DLG2: variants seen among roughly 807,000 people sequenced by gnomAD.
The protein encoded by DLG2 is discs large MAGUK scaffold protein 2, also known as disks large homolog 2.
In DLG2, 45 loss-of-function variants were observed where a neutral mutation model predicts 132.5. The ratio of observed to expected loss-of-function variants is 0.34; its 90% confidence interval spans 0.27 to 0.44. DLG2 has a LOEUF of 0.44. Ranked by LOEUF, DLG2 falls within the 20% of genes least tolerant of loss-of-function variation. The probability of loss-of-function intolerance (pLI) is 1.00; values close to 1 mark genes in which losing one functional copy is unlikely to be tolerated. For missense variants in DLG2, 1,045 were observed against 1,196.9 expected, an observed-to-expected ratio of 0.87 and a Z score of 1.87; for synonymous variants, 424 against 419.6, an observed-to-expected ratio of 1.01 and a Z score of -0.13.
intron 14 of DLG2, among the ~76,000 whole-genome samples, chr11:83,948,201 C>T (rs1190881006): frequency 6.6e-6 from 1 of 152,172 alleles, no homozygotes; most frequent in East Asian, 1.9e-4. Flanking sequence ...TCCAATGGAT[C>T]AGTTGATAAC....
chr11:84,131,284 T>C (rs1029118796), intron 9 of DLG2, among the ~76,000 whole-genome samples: 4 of 152,010 alleles, frequency 2.6e-5, no homozygotes, highest in Non-Finnish European at 4.4e-5. Flanking sequence ...GCTTAGATTA[T>C]TGACGCCTAA....
chr11:85,146,732 T>C (rs556585758), intron 5 of DLG2, among the ~76,000 whole-genome samples: 2 of 152,278 alleles, frequency 1.3e-5, no homozygotes, highest in South Asian at 2.1e-4. Context: ...ACAACTAGTG[T>C]CTCACTGGGT....
At chr11:84,426,481 T>C (rs1487547605) in intron 7 of DLG2, among the ~76,000 whole-genome samples, 1 of 152,140 alleles carries the variant, frequency 6.6e-6, no homozygotes, top group East Asian at 1.9e-4. Context: ...GACCTTTCTT[T>C]GCCTCATCTG....
At chr11:84,269,628 C>T (rs2097693652) in intron 7 of DLG2, among the ~76,000 whole-genome samples, 1 of 152,144 alleles carries the variant, frequency 6.6e-6, no homozygotes, top group Admixed American at 6.5e-5. Flanking sequence ...TATATCTCTC[C>T]CAATGCTTAA....
intron 10 of DLG2, among the ~76,000 whole-genome samples, chr11:84,092,533 T>C (rs2097107743): frequency 2.0e-5 from 3 of 152,192 alleles, no homozygotes. Flanking sequence ...TTCTTTCTCC[T>C]ATATCTCTTT....
chr11:83,639,867 G>A lies in DLG2; in HGVS notation c.1826-6542C>T, dbSNP rs2065962113. 2.6e-5 allele frequency among the ~76,000 whole-genome samples: 4 copies of A among 152,154 alleles called. No individual in the cohort carries two copies. In the South Asian group the frequency reaches 8.3e-4, roughly 32 times the overall value. On this transcript the variant is annotated intron_variant, in intron 18 of 27. Coordinates refer to ENST00000376104, the MANE Select transcript of DLG2 (RefSeq NM_001142699.3). The stretch of plus-strand genomic sequence containing the variant: ...TCATTTATTACTAGTGGGGCCTTGG[G>A]AAGTTACTGAACCTCAGTTTGTTCA...
In DLG2 at chr11:83,458,364, G is replaced by C. The variant is rs991873655; in HGVS notation, c.*1454C>G. 4 of 152,532 alleles carry C rather than the reference G, an allele frequency of 2.6e-5. No homozygotes were observed. The highest frequency in any genetic ancestry group is 9.7e-5 in the African/African-American group (4 of 41,414). The allele number at this position is 152,532 out of a possible 1,614,324, so 9.4% of individuals were successfully genotyped here. ...ATTGTTAAAAAATAAACTTGGTCCA[G>C]GTGCAGCTCCAAGAAAGGCAGTTCA... On this transcript the variant is annotated 3_prime_UTR_variant, in exon 28 of 28. Transcript: ENST00000376104.
rs184366907 is a variant in DLG2 at position 85,113,491 on chromosome 11, G to A, written c.283-1756C>T. On this transcript the variant is annotated intron_variant, in intron 5 of 27. Coordinates refer to ENST00000376104, the MANE Select transcript of DLG2 (RefSeq NM_001142699.3). ...TGATTTCTGACACTAAGATCTTCTC[G>A]TACGTGTTTTAACTAAGAAAATTAA... 5.9e-4 allele frequency among the ~76,000 whole-genome samples: 89 copies of A among 151,994 alleles called. 2 individuals carry two copies. Among genetic ancestry groups the A allele is most frequent in the African/African-American group, 1.8e-3 (73 of 41,468 alleles).
intron 9 of DLG2, among the ~76,000 whole-genome samples, chr11:84,103,278 C>T (rs1455478180): frequency 6.6e-6 from 1 of 152,108 alleles, no homozygotes; most frequent in Non-Finnish European, 1.5e-5. Context: ...GAAATTGCTG[C>T]CTGCTGCTCT....
In DLG2 at chr11:84,750,516, T is replaced by C. The variant is rs11234155; in HGVS notation, c.358-215785A>G. On this transcript the variant is annotated intron_variant, in intron 6 of 27. Transcript: ENST00000376104. ...TTGTTTAAAACATTTTCCAAATTTATTTTTAAAAAAATAAATATCATATAT... is the reference window on the plus strand; with the variant it reads ...TTGTTTAAAACATTTTCCAAATTTACTTTTAAAAAAATAAATATCATATAT... Among the ~76,000 whole-genome samples, 1,399 of 152,140 alleles carry C rather than the reference T, an allele frequency of 9.2e-3. 63 individuals are homozygous for C. The East Asian group carries it at 0.096, about 10-fold the overall frequency.
At chr11:85,482,197 C>A (rs79384435) in intron 3 of DLG2, among the ~76,000 whole-genome samples, 1,532 of 152,186 alleles carry the variant, frequency 0.01, 19 homozygotes, top group African/African-American at 0.035. Flanking sequence ...CCTTAATGAC[C>A]AGGCCAGAAC....
intron 6 of DLG2, among the ~76,000 whole-genome samples, chr11:84,835,159 T>C (rs933030935): frequency 6.6e-6 from 1 of 151,692 alleles, no homozygotes; most frequent in Non-Finnish European, 1.5e-5. Context: ...ATATTTACTC[T>C]GGGCTATTTG....
intron 4 of DLG2, among the ~76,000 whole-genome samples, chr11:85,212,112 C>T (rs180830787): frequency 1.5e-3 from 232 of 152,134 alleles, no homozygotes; most frequent in African/African-American, 5.4e-3. Context: ...CCATATATCC[C>T]CTATATCCAT....
chr11:85,583,130 G>GTGTGTATATATATATATATA (rs1555190569), intron 3 of DLG2, among the ~76,000 whole-genome samples: 1 of 13,606 alleles, frequency 7.3e-5, no homozygotes, highest in Non-Finnish European at 1.6e-4. Context: ...GTGTGTGTGT[G>GTGTGTATATATATATATATA]TATATATATA....
At chr11:84,592,726 C>A (rs1489299217) in intron 6 of DLG2, among the ~76,000 whole-genome samples, 1 of 151,544 alleles carries the variant, frequency 6.6e-6, no homozygotes, top group Non-Finnish European at 1.5e-5. Context: ...AGCTCATCAT[C>A]ACTGGTCATG....
chr11:84,260,845 A>G (rs2097540129), intron 7 of DLG2, among the ~76,000 whole-genome samples: 1 of 152,208 alleles, frequency 6.6e-6, no homozygotes, highest in Non-Finnish European at 1.5e-5. Flanking sequence ...CCACTGACTC[A>G]CACCGAGCTT....
chr11:84,512,009 G>C (rs924166580), intron 7 of DLG2, among the ~76,000 whole-genome samples: 1 of 152,148 alleles, frequency 6.6e-6, no homozygotes, highest in Non-Finnish European at 1.5e-5. Flanking sequence ...GCAAACAACA[G>C]AGCTGGGACT....
chr11:83,618,881 G>C (rs928498976), intron 19 of DLG2, among the ~76,000 whole-genome samples: 2 of 152,090 alleles, frequency 1.3e-5, no homozygotes, highest in Non-Finnish European at 2.9e-5. Context: ...CTCTGCATAG[G>C]TGTCAGATCC....
chr11:83,966,634 T>C (rs1331995681), intron 12 of DLG2, among the ~76,000 whole-genome samples: 1 of 152,034 alleles, frequency 6.6e-6, no homozygotes, highest in East Asian at 1.9e-4. Context: ...ATAAATTTTG[T>C]TGTGTATATT....
Sources: allele counts gnomAD v4.1 joint callset (sites outside exome capture counted in the v4.1 genomes callset), GRCh38; gene constraint gnomAD v4.1.1; transcripts MANE v1.5; gene names NCBI Gene and HGNC (gene_info 2026-07-23, HGNC 2026-07-21).